DENND1A: variants seen among roughly 807,000 people sequenced by gnomAD.
The protein encoded by DENND1A is DENN domain containing 1A, also known as DENN domain-containing protein 1A.
Under a neutral mutation model 113.7 loss-of-function variants are expected in DENND1A, and 51 were observed. The ratio of observed to expected loss-of-function variants is 0.45; its 90% confidence interval spans 0.36 to 0.57. The LOEUF (loss-of-function observed/expected upper bound fraction) is 0.57, where lower values mean the gene tolerates loss of function less well. DENND1A is among the 20% of genes least tolerant of loss of function. DENND1A has a pLI of 0.00. For missense variants in DENND1A, 1,258 were observed against 1,395.9 expected (o/e 0.90, Z 1.57); for synonymous variants, 565 against 570.8 (o/e 0.99, Z 0.14).
intron 19 of DENND1A, among the ~76,000 whole-genome samples, chr9:123,434,230 T>C (rs2046352565): frequency 6.6e-6 from 1 of 152,198 alleles, no homozygotes; most frequent in South Asian, 2.1e-4. Context: ...TTTCACCATG[T>C]TGGCCAGGCT....
At chr9:123,875,666 T>C (rs376121076) in intron 2 of DENND1A, among the ~76,000 whole-genome samples, 15 of 152,300 alleles carry the variant, frequency 9.8e-5, no homozygotes, top group African/African-American at 2.9e-4. Flanking sequence ...ACCAGTAGCA[T>C]AGTCCACTCC....
chr9:123,837,863 C>G (rs1210588155), intron 2 of DENND1A, among the ~76,000 whole-genome samples: 1 of 152,242 alleles, frequency 6.6e-6, no homozygotes, highest in South Asian at 2.1e-4. Context: ...TATTCTGACA[C>G]TGCTCCTGCA....
At chr9:123,679,239 T>G (rs1158069527) in intron 5 of DENND1A, among the ~76,000 whole-genome samples, 1 of 152,184 alleles carries the variant, frequency 6.6e-6, no homozygotes, top group Non-Finnish European at 1.5e-5. Flanking sequence ...GACTACAGAA[T>G]CCATCGAAGT....
chr9:123,539,666 G>A (rs548447039), intron 13 of DENND1A, among the ~76,000 whole-genome samples: 1 of 152,202 alleles, frequency 6.6e-6, no homozygotes, highest in Non-Finnish European at 1.5e-5. Context: ...GGTGGATCAT[G>A]AGGTCAGGAG....
chr9:123,699,729 G>T (rs1244935770), intron 5 of DENND1A, among the ~76,000 whole-genome samples: 1 of 123,914 alleles, frequency 8.1e-6, no homozygotes. Context: ...ACAGAGTCTC[G>T]CTCTGTCACC....
rs144407260 is a variant in DENND1A at position 123,610,207 on chromosome 9, G to A, written c.720-726C>T. ...GCATTTTGGATACACCGGTCCTGCC[G>A]TTGATTTCAGGGGTCGGTGTGTATG... On this transcript the variant is annotated intron_variant, in intron 10 of 23. Transcript: ENST00000394215. Among the ~76,000 whole-genome samples, 242 of 152,276 alleles carry A rather than the reference G, an allele frequency of 1.6e-3. 2 individuals carry two copies. The highest frequency in any genetic ancestry group is 1.3e-3 in the East Asian group (7 of 5,186).
intron 11 of DENND1A, among the ~76,000 whole-genome samples, chr9:123,583,634 C>T (rs532930641): frequency 8.6e-4 from 131 of 152,286 alleles, no homozygotes; most frequent in Non-Finnish European, 1.5e-3. Flanking sequence ...TGCTGATATA[C>T]GGCTGTGTTC....
At chr9:123,503,846 C>A (rs948517115) in intron 13 of DENND1A, among the ~76,000 whole-genome samples, 4 of 152,208 alleles carry the variant, frequency 2.6e-5, no homozygotes, top group African/African-American at 9.6e-5. Flanking sequence ...GTCTGAGACA[C>A]ACTGGGTTAA....
intron 16 of DENND1A, among the ~76,000 whole-genome samples, chr9:123,453,399 A>G (rs2047879601): frequency 6.6e-6 from 1 of 152,206 alleles, no homozygotes; most frequent in African/African-American, 2.4e-5. Context: ...AGCACAAAAA[A>G]GAAAGTGCAG....
chr9:123,420,138 T>G (rs768690335), intron 19 of DENND1A, among the ~76,000 whole-genome samples: 2 of 151,788 alleles, frequency 1.3e-5, no homozygotes, highest in Non-Finnish European at 2.9e-5. Context: ...TTGCTGAGAG[T>G]CCACTCACAC....
intron 13 of DENND1A, among the ~76,000 whole-genome samples, chr9:123,498,126 T>C (rs1027861459): frequency 1.3e-5 from 2 of 152,186 alleles, no homozygotes; most frequent in East Asian, 3.8e-4. Flanking sequence ...TTGGGTGAAA[T>C]AGCCACTGGG....
At chr9:123,668,927 T>G (rs527431771) in intron 7 of DENND1A, among the ~76,000 whole-genome samples, 2 of 152,342 alleles carry the variant, frequency 1.3e-5, no homozygotes, top group South Asian at 2.1e-4. Flanking sequence ...AGAAGTTTAG[T>G]TGAGTAACAA....
At chr9:123,916,889 T>A (rs994736509) in intron 1 of DENND1A, among the ~76,000 whole-genome samples, 6 of 151,680 alleles carry the variant, frequency 4.0e-5, no homozygotes, top group Admixed American at 1.3e-4. Flanking sequence ...AAAGAAAAAA[T>A]TATAAAAACC....
intron 5 of DENND1A, among the ~76,000 whole-genome samples, chr9:123,741,471 G>C (rs1448410199): frequency 6.6e-6 from 1 of 152,074 alleles, no homozygotes; most frequent in Non-Finnish European, 1.5e-5. Context: ...CAAAATTTCA[G>C]GTATTTCAGA....
intron 3 of DENND1A, among the ~76,000 whole-genome samples, chr9:123,782,605 A>C (rs138178915): frequency 0.022 from 3,369 of 152,314 alleles, 50 homozygotes; most frequent in Non-Finnish European, 0.033. Flanking sequence ...CAGGTAAACA[A>C]GTATAAAGTG....
At chr9:123,508,606 C>T (rs1030483362) in intron 13 of DENND1A, among the ~76,000 whole-genome samples, 2 of 152,174 alleles carry the variant, frequency 1.3e-5, no homozygotes, top group Non-Finnish European at 2.9e-5. Flanking sequence ...AATTGCACAT[C>T]TTCAGTGAGG....
intron 5 of DENND1A, among the ~76,000 whole-genome samples, chr9:123,733,328 G>A (rs1039904456): frequency 6.6e-6 from 1 of 152,110 alleles, no homozygotes; most frequent in Non-Finnish European, 1.5e-5. Context: ...TGCCCAGGCT[G>A]GAGTGCAGTG....
intron 13 of DENND1A, among the ~76,000 whole-genome samples, chr9:123,548,419 A>G (rs2056843888): frequency 6.6e-6 from 1 of 152,198 alleles, no homozygotes; most frequent in Non-Finnish European, 1.5e-5. Flanking sequence ...AACTTTTCCT[A>G]CAGATATTCT....
chr9:123,403,360 C>G, intron 21 of DENND1A, 42 bp downstream of exon 21: 1 of 1,605,752 alleles, frequency 6.2e-7, no homozygotes, highest in South Asian at 1.1e-5. Context: ...GCTCCGCAGA[C>G]ACAGGGTTCT....
Sources: allele counts gnomAD v4.1 joint callset (sites outside exome capture counted in the v4.1 genomes callset), GRCh38; gene constraint gnomAD v4.1.1; transcripts MANE v1.5; gene names NCBI Gene and HGNC (gene_info 2026-07-23, HGNC 2026-07-21).